Variants in PRKCA observed in about 807,000 individuals in gnomAD.
PRKCA encodes the protein protein kinase C alpha.
Under a neutral mutation model 87.0 loss-of-function variants are expected in PRKCA, and 27 were observed. The observed-to-expected ratio is 0.31, with a 90% confidence interval of 0.23 to 0.43. The LOEUF is 0.43. Among genes scored for constraint, PRKCA ranks in the 20% least tolerant of loss-of-function variants. The pLI is 1.00. For synonymous variants in PRKCA, 329 were observed against 311.1 expected (o/e 1.06, Z -0.61); for missense variants, 518 against 852.3 (o/e 0.61, Z 4.88).
intron 2 of PRKCA, among the ~76,000 whole-genome samples, chr17:66,333,993 G>A (rs1006221641): frequency 6.6e-6 from 1 of 152,228 alleles, no homozygotes; most frequent in Admixed American, 6.5e-5. Context: ...GCTCATGCCT[G>A]TAATCCCAGC....
At chr17:66,604,071 A>G (rs1970137310) in intron 3 of PRKCA, among the ~76,000 whole-genome samples, 4 of 151,960 alleles carry the variant, frequency 2.6e-5, no homozygotes, top group Admixed American at 2.6e-4. Context: ...CTTCCTCTCC[A>G]TCAGTTCCCG....
chr17:66,308,470 G>T (rs1026419737), intron 2 of PRKCA, among the ~76,000 whole-genome samples: 28 of 152,160 alleles, frequency 1.8e-4, no homozygotes, highest in Admixed American at 1.6e-3. Flanking sequence ...TGAAACTCTG[G>T]ATTTACAAAC....
chr17:66,641,488 G>A (rs780504959), intron 4 of PRKCA, 22 bp downstream of exon 4: 1 of 1,568,840 alleles, frequency 6.4e-7, no homozygotes, highest in Non-Finnish European at 8.7e-7. Flanking sequence ...TTCTTTTCCA[G>A]TTCATAGCGA....
chr17:66,713,041 T>C (rs894874533), intron 8 of PRKCA, among the ~76,000 whole-genome samples: 1 of 141,458 alleles, frequency 7.1e-6, no homozygotes, highest in Non-Finnish European at 1.5e-5. Flanking sequence ...AGTGAACCCT[T>C]TGTTGTCCTT....
At chr17:66,458,795 C>G (rs1264865830) in intron 2 of PRKCA, among the ~76,000 whole-genome samples, 1 of 152,132 alleles carries the variant, frequency 6.6e-6, no homozygotes. Flanking sequence ...TCAGAATCTT[C>G]TGAGAATTGT....
intron 2 of PRKCA, chr17:66,340,081 T>G (rs1906946574): frequency 6.6e-6 from 1 of 152,188 alleles, no homozygotes; most frequent in Non-Finnish European, 1.5e-5. Flanking sequence ...GAGTTAAAAT[T>G]GTGTGGATTA....
intron 14 of PRKCA, 123 bp downstream of exon 14, chr17:66,774,190 G>T: frequency 1.3e-6 from 2 of 1,558,570 alleles, no homozygotes; most frequent in South Asian, 1.2e-5. Flanking sequence ...TGACTTCCCT[G>T]ACCCAGGCGA....
At chr17:66,558,687 A>AG (rs1160099484) in intron 3 of PRKCA, among the ~76,000 whole-genome samples, 9 of 151,986 alleles carry the variant, frequency 5.9e-5, no homozygotes, top group Admixed American at 2.6e-4. Context: ...GTGGAGAGTA[A>AG]GGGGGGGAGG....
chr17:66,744,626 G>A (rs893052978), intron 13 of PRKCA, among the ~76,000 whole-genome samples: 5 of 152,194 alleles, frequency 3.3e-5, no homozygotes, highest in African/African-American at 1.2e-4. Context: ...CCATTTGAGT[G>A]TCTTGTCTTT....
intron 3 of PRKCA, among the ~76,000 whole-genome samples, chr17:66,624,526 C>T (rs762197330): frequency 2.0e-5 from 3 of 152,138 alleles, no homozygotes; most frequent in South Asian, 2.1e-4. Flanking sequence ...TTTGGCCAGG[C>T]GTGGTGGCTC....
rs1382996772 is a variant in PRKCA at position 66,332,209 on chromosome 17, C to T, written c.205+26082C>T. Among the ~76,000 whole-genome samples, 3 of 141,924 alleles carry T rather than the reference C, an allele frequency of 2.1e-5. No homozygotes were observed. In the South Asian group the frequency reaches 7.5e-4, roughly 35 times the overall value. The allele number at this position is 141,924 out of a possible 152,430, so 93.1% of individuals were successfully genotyped here. On this transcript the variant is annotated intron_variant, in intron 2 of 16. Transcript: ENST00000413366. ...TTTTTTCTTTCTTTCCTTCTTTCTT[C>T]CTTCCTTCCTTCCTTCCTTCTTTTT...
chr17:66,349,347 T>C (rs1210216496), intron 2 of PRKCA, among the ~76,000 whole-genome samples: 2 of 152,210 alleles, frequency 1.3e-5, no homozygotes, highest in African/African-American at 4.8e-5. Flanking sequence ...ATGAATATGC[T>C]GCCTGCCTAC....
intron 16 of PRKCA, among the ~76,000 whole-genome samples, chr17:66,797,154 A>T (rs765421769): frequency 6.6e-6 from 1 of 152,138 alleles, no homozygotes. Flanking sequence ...CCCAGGTAAG[A>T]ATCAGCCACG....
At chr17:66,671,762 G>A (rs1972193208) in intron 5 of PRKCA, among the ~76,000 whole-genome samples, 1 of 152,214 alleles carries the variant, frequency 6.6e-6, no homozygotes, top group Non-Finnish European at 1.5e-5. Flanking sequence ...TCGGGGGCTT[G>A]TACCACTAAC....
intron 13 of PRKCA, among the ~76,000 whole-genome samples, chr17:66,768,705 G>A (rs1974864945): frequency 6.6e-6 from 1 of 152,206 alleles, no homozygotes; most frequent in African/African-American, 2.4e-5. Flanking sequence ...ATCAGATCTT[G>A]TGAGAATTCA....
Position 66,641,470 on chromosome 17 carries a change from A to C in PRKCA, c.400+4A>C, listed in dbSNP as rs1202650139. The C allele has an allele frequency of 3.1e-6, 5 of 1,600,798 alleles. No homozygotes were observed. The highest frequency in any genetic ancestry group is 3.4e-5 in the Admixed American group (2 of 59,400). The stretch of plus-strand genomic sequence containing the variant: ...CATCAAGGGATGAAATGTGACAGTA[A>C]GTAAGTTTTCTTTTCCAGTTCATAG... On this transcript the variant is annotated splice_donor_region_variant and intron_variant, in intron 4 of 16. Transcript: ENST00000413366.
chr17:66,414,561 TTTC>T (rs1352455931), intron 2 of PRKCA, among the ~76,000 whole-genome samples: 19 of 152,330 alleles, frequency 1.2e-4, no homozygotes, highest in Admixed American at 3.3e-4. Flanking sequence ...CAAATACATA[TTTC>T]TTATTACACA....
chr17:66,565,682 A>T (rs1968869241), intron 3 of PRKCA, among the ~76,000 whole-genome samples: 1 of 151,568 alleles, frequency 6.6e-6, no homozygotes, highest in Non-Finnish European at 1.5e-5. Flanking sequence ...GAGAAGGCTG[A>T]TGCTGAGAGA....
intron 3 of PRKCA, among the ~76,000 whole-genome samples, chr17:66,555,501 C>T (rs1785275198): frequency 6.6e-6 from 1 of 152,198 alleles, no homozygotes; most frequent in Non-Finnish European, 1.5e-5. Flanking sequence ...AACAGAGAAG[C>T]AGGATTGCTG....
Sources: allele counts gnomAD v4.1 joint callset (sites outside exome capture counted in the v4.1 genomes callset), GRCh38; gene constraint gnomAD v4.1.1; transcripts MANE v1.5; gene names NCBI Gene and HGNC (gene_info 2026-07-23, HGNC 2026-07-21).